OSBPL3: variants seen among roughly 807,000 people sequenced by gnomAD.
OSBPL3 encodes the protein oxysterol binding protein like 3, also known as oxysterol-binding protein-related protein 3.
A neutral mutation model predicts 120.1 loss-of-function variants in OSBPL3; 65 were observed. That is an observed-to-expected ratio of 0.54 (90% CI 0.44 to 0.67). The LOEUF (loss-of-function observed/expected upper bound fraction) is 0.67. Among genes scored for constraint, OSBPL3 ranks in the 30% least tolerant of loss-of-function variants. The probability of loss-of-function intolerance (pLI) is 0.00; values close to 1 mark genes in which losing one functional copy is unlikely to be tolerated. For missense variants in OSBPL3, 1,004 were observed against 1,082.1 expected (o/e 0.93, Z 1.01); for synonymous variants, 416 against 402.6 (o/e 1.03, Z -0.40).
At chr7:24,848,888 A>G (rs1334292889) in intron 12 of OSBPL3, among the ~76,000 whole-genome samples, 181 bp downstream of exon 12, 1 of 152,256 alleles carries the variant, frequency 6.6e-6, no homozygotes, top group Non-Finnish European at 1.5e-5. Flanking sequence ...CATACGCTCA[A>G]GAAAGCGTTT....
chr7:24,935,148 A>C (rs1284211749), intron 1 of OSBPL3, among the ~76,000 whole-genome samples: 2 of 152,200 alleles, frequency 1.3e-5, no homozygotes, highest in Non-Finnish European at 2.9e-5. Flanking sequence ...AAAATGATAA[A>C]ACAGGCATGA....
chr7:24,841,730 G>A (rs1379355788), intron 13 of OSBPL3, among the ~76,000 whole-genome samples: 1 of 122,310 alleles, frequency 8.2e-6, no homozygotes, highest in Non-Finnish European at 1.8e-5. Flanking sequence ...AAGAGGCCAG[G>A]CACAGTGGCT....
At position 24,803,286 on chromosome 7, in the gene OSBPL3, TAA is replaced by T. The variant is rs1792601233; in HGVS notation, c.2567+1027_2567+1028del. Among the ~76,000 whole-genome samples, 1 of 152,148 alleles carries T rather than the reference TAA, an allele frequency of 6.6e-6. No individual in the cohort carries two copies. Among genetic ancestry groups the T allele is most frequent in the African/African-American group, 2.4e-5 (1 of 41,414 alleles). ...TGCTGCTTTTTCACATACACCTATT[TAA>T]GTTTTTTAAAAAAAGAAAACAGAAA... On this transcript the variant is annotated intron_variant, in intron 22 of 22. Transcript: ENST00000313367. The surrounding 1 kb of genome is among the most constrained non-coding windows in gnomAD (Gnocchi z 4.2).
chr7:24,911,909 G>A (rs1808879503), intron 1 of OSBPL3, among the ~76,000 whole-genome samples: 1 of 152,194 alleles, frequency 6.6e-6, no homozygotes, highest in African/African-American at 2.4e-5. Context: ...GTGGTTACTG[G>A]TAGACTAGAG....
At position 24,966,395 on chromosome 7, in the gene OSBPL3, G is replaced by A. The variant is rs1292807810; in HGVS notation, c.-150+13491C>T. ...ACACACCCAGGAAAATAAGACCTCTGGATGCCACAAACAAGTGGGGCTTCC... is the reference window on the plus strand; with the variant it reads ...ACACACCCAGGAAAATAAGACCTCTAGATGCCACAAACAAGTGGGGCTTCC... On this transcript the variant is annotated intron_variant, in intron 1 of 22. Transcript: ENST00000313367. The surrounding 1 kb of genome is among the most constrained non-coding windows in gnomAD (Gnocchi z 4.8). Among the ~76,000 whole-genome samples, 1 of 152,108 alleles carries A rather than the reference G, an allele frequency of 6.6e-6. No homozygotes were observed. Among genetic ancestry groups the A allele is most frequent in the Non-Finnish European group, 1.5e-5 (1 of 68,008 alleles).
chr7:24,914,001 T>C lies in OSBPL3; in HGVS notation c.-149-21380A>G, dbSNP rs1809204761. Among the ~76,000 whole-genome samples the C allele has an allele frequency of 4.6e-5, 7 of 152,176 alleles. No individual in the cohort carries two copies. In the South Asian group the frequency reaches 1.4e-3, roughly 32 times the overall value. On this transcript the variant is annotated intron_variant, in intron 1 of 22. Coordinates refer to ENST00000313367, the MANE Select transcript of OSBPL3 (RefSeq NM_015550.4). ...TCCTTTGGTAAGAACATGCAGACTC[T>C]TGGGTGTTGGCCAGAGGGTTGTTCT...
At chr7:24,839,082 GA>G (rs1797369554) in intron 14 of OSBPL3, among the ~76,000 whole-genome samples, 1 of 152,154 alleles carries the variant, frequency 6.6e-6, no homozygotes, top group Non-Finnish European at 1.5e-5. Flanking sequence ...TAACCATTCA[GA>G]TAACAATTCA....
At chr7:24,845,025 G>A (rs985793805) in intron 12 of OSBPL3, among the ~76,000 whole-genome samples, 6 of 152,054 alleles carry the variant, frequency 3.9e-5, no homozygotes, top group East Asian at 1.9e-4. Context: ...ACAGATTTGC[G>A]AAAATGGTTT....
At position 24,894,864 on chromosome 7, in the gene OSBPL3, C is replaced by T. The variant is rs1318988206; in HGVS notation, c.-149-2243G>A. ...GGGTCATCTTTATCTCTTTGTCCTG[C>T]AGAATTTCAGTTGGGAGGCAACAGC... On this transcript the variant is annotated intron_variant, in intron 1 of 22. Transcript: ENST00000313367. The surrounding 1 kb of genome is among the most constrained non-coding windows in gnomAD (Gnocchi z 4.1). Among the ~76,000 whole-genome samples the T allele has an allele frequency of 6.6e-6, 1 of 152,180 alleles. No individual in the cohort carries two copies. Among genetic ancestry groups the T allele is most frequent in the African/African-American group, 2.4e-5 (1 of 41,442 alleles).
At chr7:24,845,750 T>C (rs764344170) in intron 12 of OSBPL3, among the ~76,000 whole-genome samples, 3 of 152,234 alleles carry the variant, frequency 2.0e-5, no homozygotes, top group Admixed American at 6.5e-5. Context: ...TCTAGCAGTT[T>C]GATAAATATT....
In OSBPL3 at chr7:24,933,009, T is replaced by C. The variant is rs971591443; in HGVS notation, c.-149-40388A>G. On this transcript the variant is annotated intron_variant, in intron 1 of 22. Coordinates refer to ENST00000313367, the MANE Select transcript of OSBPL3 (RefSeq NM_015550.4). This position sits in a 1 kb window ranked among gnomAD's most constrained non-coding sequence, Gnocchi z 5.1. Reference sequence around the variant, plus strand: ...AATTCCACACCGGACCTGATGCTGCTGCACCAACTCCAGTCTTCACGGTTC... The same window carrying C: ...AATTCCACACCGGACCTGATGCTGCCGCACCAACTCCAGTCTTCACGGTTC... 6.6e-6 allele frequency among the ~76,000 whole-genome samples: 1 copy of C among 152,218 alleles called. No homozygotes were observed. The highest frequency in any genetic ancestry group is 2.4e-5 in the African/African-American group (1 of 41,450).
rs1019551667 is a variant in OSBPL3 at position 24,815,430 on chromosome 7, T to C, written c.2028-227A>G. 3.9e-5 allele frequency among the ~76,000 whole-genome samples: 6 copies of C among 152,162 alleles called. No individual in the cohort carries two copies. Among genetic ancestry groups the C allele is most frequent in the Non-Finnish European group, 8.8e-5 (6 of 68,030 alleles). ...ATGACAGCATTCAGACTTTGCACTCTGGAAGCTACCAGAGGCTTCACTAGA... is the reference window on the plus strand; with the variant it reads ...ATGACAGCATTCAGACTTTGCACTCCGGAAGCTACCAGAGGCTTCACTAGA... On this transcript the variant is annotated intron_variant, in intron 18 of 22. Coordinates refer to ENST00000313367, the MANE Select transcript of OSBPL3 (RefSeq NM_015550.4). The surrounding 1 kb of genome is among the most constrained non-coding windows in gnomAD (Gnocchi z 5.1).
rs1795250472 is a variant in OSBPL3 at position 24,822,574 on chromosome 7, T to A, written c.1885-2336A>T. Among the ~76,000 whole-genome samples, 1 of 152,228 alleles carries A rather than the reference T, an allele frequency of 6.6e-6. No individual in the cohort carries two copies. Among genetic ancestry groups the A allele is most frequent in the African/African-American group, 2.4e-5 (1 of 41,468 alleles). Reference sequence around the variant, plus strand: ...TAATGTAAACATATTTTAAAGTGGATTATTATGAAGTAGATTATATTCATC... The same window carrying A: ...TAATGTAAACATATTTTAAAGTGGAATATTATGAAGTAGATTATATTCATC... On this transcript the variant is annotated intron_variant, in intron 16 of 22. Coordinates refer to ENST00000313367, the MANE Select transcript of OSBPL3 (RefSeq NM_015550.4). This position sits in a 1 kb window ranked among gnomAD's most constrained non-coding sequence, Gnocchi z 5.8.
chr7:24,907,553 T>A (rs1331012428), intron 1 of OSBPL3, among the ~76,000 whole-genome samples: 1 of 152,250 alleles, frequency 6.6e-6, no homozygotes, highest in African/African-American at 2.4e-5. Context: ...ACAACTCATA[T>A]ATACATACCC....
In OSBPL3 at chr7:24,972,781, C is replaced by T. The variant is rs1386949581; in HGVS notation, c.-150+7105G>A. Among the ~76,000 whole-genome samples the T allele has an allele frequency of 6.6e-6, 1 of 152,064 alleles. No homozygotes were observed. The highest frequency in any genetic ancestry group is 1.5e-5 in the Non-Finnish European group (1 of 68,026). Reference sequence around the variant, plus strand: ...ATTAAAATATATATATTAGCTTTAGCTTCTAAACATTTCAGATGACTGTCC... The same window carrying T: ...ATTAAAATATATATATTAGCTTTAGTTTCTAAACATTTCAGATGACTGTCC... On this transcript the variant is annotated intron_variant, in intron 1 of 22. Coordinates refer to ENST00000313367, the MANE Select transcript of OSBPL3 (RefSeq NM_015550.4). This position sits in a 1 kb window ranked among gnomAD's most constrained non-coding sequence, Gnocchi z 4.3.
rs1428801110 is a variant in OSBPL3, at chr7:24,955,474, C to T, written c.-150+24412G>A. ...ATTCTAGTGATTCTCCCTGGCTGTT[C>T]TGTGGAGGAGAGGCTACTGGGGTGG... On this transcript the variant is annotated intron_variant, in intron 1 of 22. Transcript: ENST00000313367. This position sits in a 1 kb window ranked among gnomAD's most constrained non-coding sequence, Gnocchi z 4.3. Among the ~76,000 whole-genome samples, 1 of 152,224 alleles carries T rather than the reference C, an allele frequency of 6.6e-6. No individual in the cohort carries two copies. Among genetic ancestry groups the T allele is most frequent in the East Asian group, 1.9e-4 (1 of 5,204 alleles).
chr7:24,976,403 T>A lies in OSBPL3; in HGVS notation c.-150+3483A>T, dbSNP rs190217079. On this transcript the variant is annotated intron_variant, in intron 1 of 22. Transcript: ENST00000313367. ...GGTAGGAAAACCCACCTGTAGACAA[T>A]GTTAGGACAGAGTGCATAAGTCCCT... Among the ~76,000 whole-genome samples the A allele has an allele frequency of 2.0e-5, 3 of 152,202 alleles. No individual in the cohort carries two copies. In the East Asian group the frequency reaches 5.8e-4, roughly 29 times the overall value.
rs1257962345 is a variant in OSBPL3 at position 24,922,773 on chromosome 7, C to T, written c.-149-30152G>A. On this transcript the variant is annotated intron_variant, in intron 1 of 22. Coordinates refer to ENST00000313367, the MANE Select transcript of OSBPL3 (RefSeq NM_015550.4). This position sits in a 1 kb window ranked among gnomAD's most constrained non-coding sequence, Gnocchi z 4.3. ...CCTAGTCCTGCTTCAGGCTTCAGGTCAAGGATCTCTGTCCAACCCTGTCCC... is the reference window on the plus strand; with the variant it reads ...CCTAGTCCTGCTTCAGGCTTCAGGTTAAGGATCTCTGTCCAACCCTGTCCC... 6.6e-6 allele frequency among the ~76,000 whole-genome samples: 1 copy of T among 152,072 alleles called. No individual in the cohort carries two copies. The highest frequency in any genetic ancestry group is 1.9e-4 in the East Asian group (1 of 5,172).
At chr7:24,846,704 A>T (rs1018921323) in intron 12 of OSBPL3, among the ~76,000 whole-genome samples, 8 of 152,236 alleles carry the variant, frequency 5.3e-5, no homozygotes, top group Non-Finnish European at 1.0e-4. Context: ...ATATTAAAAA[A>T]GGTGGGCATT....
Sources: gnomAD v4.1 joint callset for allele counts (sites outside exome capture counted in the v4.1 genomes callset) on GRCh38, gnomAD v4.1.1 for gene constraint, Gnocchi (gnomAD v3.1) non-coding constraint, MANE v1.5 for transcripts, NCBI Gene and HGNC (gene_info 2026-07-23, HGNC 2026-07-21) for gene names.